HDAC4: variants seen among roughly 807,000 people sequenced by gnomAD.
HDAC4 encodes histone deacetylase A.
Under a neutral mutation model 135.1 loss-of-function variants are expected in HDAC4, and 16 were observed. The observed-to-expected ratio is 0.12, with a 90% confidence interval of 0.08 to 0.18. The LOEUF is 0.18. HDAC4 is among the 10% of genes least tolerant of loss of function. The pLI, the probability that HDAC4 is intolerant of heterozygous loss-of-function variation, is 1.00. For missense variants in HDAC4, 1,143 were observed against 1,511.8 expected, an observed-to-expected ratio of 0.76 and a Z score of 4.05; for synonymous variants, 685 against 653.4, an observed-to-expected ratio of 1.05 and a Z score of -0.74.
chr2:239,119,423 G>C (rs1205803253), intron 12 of HDAC4, among the ~76,000 whole-genome samples: 1 of 152,158 alleles, frequency 6.6e-6, no homozygotes, highest in Non-Finnish European at 1.5e-5. Context: ...AGGATGAGGA[G>C]ACAGGGCTCA....
intron 16 of HDAC4, among the ~76,000 whole-genome samples, chr2:239,101,501 C>G (rs1026586819): frequency 6.6e-6 from 1 of 152,186 alleles, no homozygotes; most frequent in South Asian, 2.1e-4. Context: ...AGTCAACGAG[C>G]CAGGCACGGC....
intron 7 of HDAC4, among the ~76,000 whole-genome samples, chr2:239,150,336 G>A (rs969604607): frequency 6.6e-6 from 1 of 150,496 alleles, no homozygotes; most frequent in African/African-American, 2.5e-5. Flanking sequence ...CACAGATACA[G>A]AAACAGATAC....
intron 1 of HDAC4, among the ~76,000 whole-genome samples, chr2:239,381,616 C>A (rs925650198): frequency 6.6e-6 from 1 of 152,200 alleles, no homozygotes; most frequent in Non-Finnish European, 1.5e-5. Flanking sequence ...TGGGCAAATG[C>A]GGTGCCATTT....
At chr2:239,328,942 G>A (rs1049494543) in intron 2 of HDAC4, among the ~76,000 whole-genome samples, 4 of 152,370 alleles carry the variant, frequency 2.6e-5, no homozygotes, top group East Asian at 1.9e-4. Context: ...TTAATCAAGG[G>A]AGGAGGAATT....
chr2:239,275,824 C>T (rs1188229872), intron 2 of HDAC4, among the ~76,000 whole-genome samples: 2 of 152,112 alleles, frequency 1.3e-5, no homozygotes, highest in African/African-American at 2.4e-5. Context: ...GGGAAGACAC[C>T]CAGGGGAGCC....
At chr2:239,366,875 C>T (rs945863882) in intron 1 of HDAC4, among the ~76,000 whole-genome samples, 1 of 137,936 alleles carries the variant, frequency 7.2e-6, no homozygotes, top group Non-Finnish European at 1.5e-5. Flanking sequence ...GCCCCAGAAC[C>T]TTATGTCAGT....
intron 2 of HDAC4, among the ~76,000 whole-genome samples, chr2:239,247,207 T>G (rs1056658030): frequency 6.6e-6 from 1 of 152,226 alleles, no homozygotes; most frequent in Non-Finnish European, 1.5e-5. Flanking sequence ...GGCCCACTTT[T>G]TCATGCTGTA....
intron 2 of HDAC4, among the ~76,000 whole-genome samples, chr2:239,242,222 A>AGGAGG (rs1422945673): frequency 4.7e-5 from 4 of 84,504 alleles, no homozygotes; most frequent in Non-Finnish European, 6.2e-5. Flanking sequence ...CGAGAGAGGA[A>AGGAGG]GGAGGGGAAG....
intron 19 of HDAC4, among the ~76,000 whole-genome samples, chr2:239,084,750 CCACAGACACACACCCCACACACACTCCA>C (rs2035736434): frequency 2.0e-5 from 3 of 147,346 alleles, no homozygotes; most frequent in Non-Finnish European, 3.0e-5. Context: ...CGCCCATACA[CCACAGACACACACCCCACACACACTCCA>C]CACAGACACA....
chr2:239,320,067 C>T (rs971929527), intron 2 of HDAC4, among the ~76,000 whole-genome samples: 3 of 151,844 alleles, frequency 2.0e-5, no homozygotes. Flanking sequence ...AAAATAAATG[C>T]GTGTGGAGGG....
intron 2 of HDAC4, among the ~76,000 whole-genome samples, chr2:239,332,007 C>T (rs1691617248): frequency 6.6e-6 from 1 of 152,150 alleles, no homozygotes; most frequent in Non-Finnish European, 1.5e-5. Context: ...GGACATTTCA[C>T]AGTAACAAAA....
At chr2:239,061,558 C>T (rs1455498937) in intron 24 of HDAC4, among the ~76,000 whole-genome samples, 2 of 151,722 alleles carry the variant, frequency 1.3e-5, no homozygotes, top group East Asian at 1.9e-4. Flanking sequence ...CAAGGATGCA[C>T]GTGCATGTGA....
intron 2 of HDAC4, among the ~76,000 whole-genome samples, chr2:239,326,867 G>C (rs935103713): frequency 3.9e-5 from 6 of 152,272 alleles, no homozygotes; most frequent in African/African-American, 1.4e-4. Flanking sequence ...AATGCTGATG[G>C]GAGCCTGTGG....
chr2:239,327,258 C>T (rs567337839), intron 2 of HDAC4, among the ~76,000 whole-genome samples: 3 of 152,298 alleles, frequency 2.0e-5, no homozygotes, highest in South Asian at 2.1e-4. Flanking sequence ...GCCTTTCCCA[C>T]GGGGTGGCCC....
intron 1 of HDAC4, among the ~76,000 whole-genome samples, chr2:239,368,382 G>GCA (rs1414538967): frequency 3.3e-5 from 5 of 152,222 alleles, no homozygotes; most frequent in Non-Finnish European, 7.3e-5. Context: ...ACCGTCCAAA[G>GCA]CACAGTACCA....
At chr2:239,271,280 A>G (rs2050045192) in intron 2 of HDAC4, among the ~76,000 whole-genome samples, 1 of 152,040 alleles carries the variant, frequency 6.6e-6, no homozygotes, top group Non-Finnish European at 1.5e-5. Context: ...TGCCTGGCTA[A>G]TTTTTATACT....
chr2:239,158,422 C>A (rs1342695992), intron 6 of HDAC4, among the ~76,000 whole-genome samples: 2 of 152,138 alleles, frequency 1.3e-5, no homozygotes, highest in Admixed American at 6.5e-5. Flanking sequence ...TATATTTGAA[C>A]GGTAGGATTT....
At chr2:239,094,848 T>G in intron 17 of HDAC4, 162 bp downstream of exon 17, 1 of 1,550,400 alleles carries the variant, frequency 6.4e-7, no homozygotes, top group Non-Finnish European at 8.8e-7. Flanking sequence ...ATCAAAACGC[T>G]CTCGGCTCAC....
At chr2:239,197,593 T>C (rs530274924) in intron 3 of HDAC4, among the ~76,000 whole-genome samples, 2 of 152,306 alleles carry the variant, frequency 1.3e-5, no homozygotes, top group African/African-American at 4.8e-5. Context: ...ACTGGGTCTT[T>C]TCCATCCTCC....
Sources: gnomAD v4.1 joint callset for allele counts (sites outside exome capture counted in the v4.1 genomes callset) on GRCh38, gnomAD v4.1.1 for gene constraint, MANE v1.5 for transcripts, NCBI Gene and HGNC (gene_info 2026-07-23, HGNC 2026-07-21) for gene names.